Variants in GMEB2 observed in about 807,000 individuals in gnomAD.
GMEB2 encodes glucocorticoid modulatory element-binding protein 2.
Under a neutral mutation model 45.7 loss-of-function variants are expected in GMEB2, and 7 were observed. That is an observed-to-expected ratio of 0.15 (90% CI 0.09 to 0.29). The LOEUF is 0.29. GMEB2 is among the 10% of genes least tolerant of loss of function. The pLI, the probability that GMEB2 is intolerant of heterozygous loss-of-function variation, is 1.00. For synonymous variants in GMEB2, 322 were observed against 323.6 expected (o/e 1.00, Z 0.05); for missense variants, 582 against 739.2 (o/e 0.79, Z 2.47).
chr20:63,616,172 A>G (rs923158222), intron 2 of GMEB2, among the ~76,000 whole-genome samples: 21 of 152,314 alleles, frequency 1.4e-4, no homozygotes, highest in African/African-American at 2.4e-4. Context: ...GGCCGGGTAC[A>G]GTGGCTCGCG....
intron 1 of GMEB2, among the ~76,000 whole-genome samples, chr20:63,625,254 C>G (rs2089663185): frequency 6.6e-6 from 1 of 152,022 alleles, no homozygotes; most frequent in Non-Finnish European, 1.5e-5. Flanking sequence ...TGGCTCACTG[C>G]AACCTCCGCC....
chr20:63,588,553 G>GAC lies in GMEB2; in HGVS notation c.*1534_*1535dup. The GAC allele has an allele frequency of 5.0e-6, 2 of 397,010 alleles. No homozygotes were observed. The highest frequency in any genetic ancestry group is 8.9e-6 in the Non-Finnish European group (2 of 225,540). The allele number at this position is 397,010 out of a possible 1,614,324, so 24.6% of individuals were successfully genotyped here. A position where few individuals can be genotyped will look rare whatever the true frequency, so the allele number is the denominator to read the frequency against. On this transcript the variant is annotated 3_prime_UTR_variant, in exon 10 of 10. Transcript: ENST00000370077. ...AAAATGTAACAGAGAAAACAAACAAGACACAGCCTCAGTAGCTTGACATGG... is the reference window on the plus strand; with the variant it reads ...AAAATGTAACAGAGAAAACAAACAAGACACACAGCCTCAGTAGCTTGACATGG...
intron 5 of GMEB2, among the ~76,000 whole-genome samples, chr20:63,596,345 T>G (rs1325657646): frequency 6.6e-6 from 1 of 152,242 alleles, no homozygotes; most frequent in East Asian, 1.9e-4. Context: ...CCCTCTCTTC[T>G]GCCTCTCCGG....
chr20:63,608,865 AC>A (rs1217874795), intron 2 of GMEB2, among the ~76,000 whole-genome samples: 4 of 48,844 alleles, frequency 8.2e-5, no homozygotes, highest in South Asian at 4.9e-4. Context: ...TGCCCCTCTG[AC>A]CCCACATCCA....
intron 1 of GMEB2, among the ~76,000 whole-genome samples, chr20:63,624,070 A>G (rs2089655027): frequency 6.6e-6 from 1 of 151,174 alleles, no homozygotes; most frequent in Non-Finnish European, 1.5e-5. Flanking sequence ...AGACTGCACC[A>G]CTACACTTCA....
At chr20:63,616,753 C>T (rs927184690) in intron 2 of GMEB2, among the ~76,000 whole-genome samples, 3 of 152,244 alleles carry the variant, frequency 2.0e-5, no homozygotes, top group African/African-American at 7.2e-5. Flanking sequence ...ACCTGCCATC[C>T]TCAGCCCCAC....
Position 63,593,183 on chromosome 20 carries a change from A to G in GMEB2, c.620-101T>C. On this transcript the variant is annotated intron_variant, in intron 6 of 9. Transcript: ENST00000370077. This position sits in a 1 kb window ranked among gnomAD's most constrained non-coding sequence, Gnocchi z 4.7. ...CTCACACCACCTTCTGAACCTTTCC[A>G]TCTGTCTTCACAAAACTGACAAACA... The G allele has an allele frequency of 2.8e-6, 2 of 722,742 alleles. No homozygotes were observed. Among genetic ancestry groups the G allele is most frequent in the Non-Finnish European group, 5.0e-6 (2 of 396,140 alleles). 44.8% of individuals were successfully genotyped at this position (722,742 alleles called of 1,614,324 possible).
chr20:63,604,141 G>A (rs374665783), intron 3 of GMEB2, among the ~76,000 whole-genome samples: 2 of 150,670 alleles, frequency 1.3e-5, no homozygotes, highest in South Asian at 4.2e-4. Flanking sequence ...TGAGGCTGGA[G>A]GATCACATGA....
intron 1 of GMEB2, among the ~76,000 whole-genome samples, chr20:63,622,292 G>A (rs1034048202): frequency 6.6e-6 from 1 of 152,206 alleles, no homozygotes; most frequent in African/African-American, 2.4e-5. Context: ...GCACGCAGTG[G>A]TCCCCTGCGG....
At chr20:63,625,839 G>A (rs1408427787) in intron 1 of GMEB2, among the ~76,000 whole-genome samples, 1 of 151,968 alleles carries the variant, frequency 6.6e-6, no homozygotes, top group Non-Finnish European at 1.5e-5. Context: ...CTCATGATCC[G>A]CCCACGTCGG....
At chr20:63,597,315 C>A (rs1484879868) in intron 5 of GMEB2, among the ~76,000 whole-genome samples, 1 of 151,812 alleles carries the variant, frequency 6.6e-6, no homozygotes, top group Non-Finnish European at 1.5e-5. Flanking sequence ...CATATGTCAC[C>A]AAATCCAGAT....
intron 9 of GMEB2, among the ~76,000 whole-genome samples, chr20:63,591,729 C>T (rs1161995769): frequency 6.6e-6 from 1 of 152,186 alleles, no homozygotes; most frequent in African/African-American, 2.4e-5. Context: ...CCTCCCAAAG[C>T]GCTGGGATAA....
In GMEB2 at chr20:63,619,499, T is replaced by A; in HGVS notation, c.-57-45A>T. On this transcript the variant is annotated intron_variant, in intron 1 of 9. Transcript: ENST00000370077. This position sits in a 1 kb window ranked among gnomAD's most constrained non-coding sequence, Gnocchi z 4.6. ...GCACAGGGATGGAGTCATCTCCACA[T>A]CCACACAACATAGCACTCACAAAGG... 8.4e-7 allele frequency: 1 copy of A among 1,195,430 alleles called. No homozygotes were observed. Among genetic ancestry groups the A allele is most frequent in the South Asian group, 1.4e-5 (1 of 72,172 alleles). 74.1% of individuals were successfully genotyped at this position (1,195,430 alleles called of 1,614,324 possible).
rs756908076 is a variant in GMEB2 at position 63,593,304 on chromosome 20, G to A, written c.620-222C>T. On this transcript the variant is annotated intron_variant, in intron 6 of 9. Transcript: ENST00000370077. This position sits in a 1 kb window ranked among gnomAD's most constrained non-coding sequence, Gnocchi z 4.7. ...GTCAAACATACAAAGGAGAAACAAC[G>A]CAGAAACAAATCCCTTGAACCCGTC... Among the ~76,000 whole-genome samples, 7 of 151,902 alleles carry A rather than the reference G, an allele frequency of 4.6e-5. No homozygotes were observed. The highest frequency in any genetic ancestry group is 9.7e-5 in the African/African-American group (4 of 41,340).
chr20:63,624,176 G>A (rs1335587273), intron 1 of GMEB2, among the ~76,000 whole-genome samples: 4 of 151,672 alleles, frequency 2.6e-5, no homozygotes, highest in Non-Finnish European at 5.9e-5. Context: ...CATCACTTTG[G>A]AAGGCCGAGG....
intron 4 of GMEB2, among the ~76,000 whole-genome samples, chr20:63,599,813 G>A (rs1196847461): frequency 1.3e-5 from 2 of 152,152 alleles, no homozygotes; most frequent in Admixed American, 6.5e-5. Context: ...GCCTGCTCCC[G>A]TCTGCCCCCT....
intron 3 of GMEB2, among the ~76,000 whole-genome samples, chr20:63,603,737 C>G (rs879497005): frequency 6.7e-6 from 1 of 149,544 alleles, no homozygotes; most frequent in African/African-American, 2.5e-5. Context: ...GCAAGACTCC[C>G]TCTCAAAAAA....
At position 63,590,362 on chromosome 20, in the gene GMEB2, G is replaced by T; in HGVS notation, c.1320C>A (p.Thr440=). Residue 440 remains threonine, a synonymous_variant, in exon 10 of 10, where the codon ACC becomes ACA. Transcript: ENST00000370077. The part of the protein sequence containing the change: ...GYTVLASSGS[T]YPSTVEIHPD... The stretch of plus-strand genomic sequence containing the variant: ...GGTGGATCTCCACTGTGCTGGGGTA[G>T]GTGGAGCCGGAAGAGGCCAAGACTG... The T allele has an allele frequency of 1.2e-6, 2 of 1,607,190 alleles. No individual in the cohort carries two copies. The highest frequency in any genetic ancestry group is 1.7e-6 in the Non-Finnish European group (2 of 1,175,628).
At position 63,588,019 on chromosome 20, in the gene GMEB2, G is replaced by A. The variant is rs2083109238; in HGVS notation, c.*2070C>T. 2 of 152,434 alleles carry A rather than the reference G, an allele frequency of 1.3e-5. No individual in the cohort carries two copies. The highest frequency in any genetic ancestry group is 1.3e-4 in the Admixed American group (2 of 15,286). 9.4% of individuals were successfully genotyped at this position (152,434 alleles called of 1,614,324 possible). ...ACGCTGGGGCTTGGAGCCCCTGCCA[G>A]AAGCAGCTGGGTTGGCGGTAGATGT... On this transcript the variant is annotated 3_prime_UTR_variant, in exon 10 of 10. Transcript: ENST00000370077.
Sources: gnomAD v4.1 joint callset for allele counts (sites outside exome capture counted in the v4.1 genomes callset) on GRCh38, gnomAD v4.1.1 for gene constraint, Gnocchi (gnomAD v3.1) non-coding constraint, MANE v1.5 for transcripts, NCBI Gene and HGNC (gene_info 2026-07-23, HGNC 2026-07-21) for gene names.